Variants in FSTL5 observed in about 807,000 individuals in gnomAD.
FSTL5 encodes the protein follistatin like 5.
Under a neutral mutation model 89.1 loss-of-function variants are expected in FSTL5, and 62 were observed. The ratio of observed to expected loss-of-function variants is 0.70; its 90% CI spans 0.57 to 0.86. The LOEUF (loss-of-function observed/expected upper bound fraction) is 0.86, where lower values mean the gene tolerates loss of function less well. Ranked by LOEUF, FSTL5 falls within the 40% of genes least tolerant of loss-of-function variation. The probability of loss-of-function intolerance (pLI) is 0.00; values close to 1 mark genes in which losing one functional copy is unlikely to be tolerated. For missense variants in FSTL5, 1,057 were observed against 1,001.6 expected (o/e 1.06, Z -0.75); for synonymous variants, 383 against 346.2 (o/e 1.11, Z -1.18).
chr4:161,892,498 C>T (rs1733019621), intron 4 of FSTL5, among the ~76,000 whole-genome samples: 1 of 151,692 alleles, frequency 6.6e-6, no homozygotes, highest in South Asian at 2.1e-4. Flanking sequence ...TTGCAAAAGA[C>T]ATTTTGATCC....
intron 8 of FSTL5, among the ~76,000 whole-genome samples, chr4:161,547,727 A>G (rs1732053831): frequency 6.6e-6 from 1 of 151,928 alleles, no homozygotes; most frequent in African/African-American, 2.4e-5. Context: ...TACCTTTGGA[A>G]AACAAAACAA....
rs182562592 is a variant in FSTL5, at chr4:162,052,884, C to A, written c.127-19226G>T. On this transcript the variant is annotated intron_variant, in intron 2 of 15. Transcript: ENST00000306100. ...AATAGATCTCTTGAATTTATTCACC[C>A]TAATTGTTGTTAAAAAGCACACACA... is the stretch of plus-strand genomic sequence containing the variant. Among the ~76,000 whole-genome samples, 222 of 151,656 alleles carry A rather than the reference C, an allele frequency of 1.5e-3. 1 individual carries two copies. Among genetic ancestry groups the A allele is most frequent in the African/African-American group, 5.0e-3 (206 of 41,478 alleles).
intron 3 of FSTL5, among the ~76,000 whole-genome samples, chr4:161,939,090 T>A (rs2110918119): frequency 6.6e-6 from 1 of 152,068 alleles, no homozygotes; most frequent in Admixed American, 6.6e-5. Flanking sequence ...CTGATATCAT[T>A]AGTTACATTA....
intron 2 of FSTL5, among the ~76,000 whole-genome samples, chr4:162,099,613 C>T (rs1218882135): frequency 6.6e-6 from 1 of 151,998 alleles, no homozygotes; most frequent in Non-Finnish European, 1.5e-5. Context: ...TAGAAATAAA[C>T]ACTGTCAAAA....
chr4:161,695,457 A>G (rs202015167), intron 6 of FSTL5, among the ~76,000 whole-genome samples: 8,918 of 50,026 alleles, frequency 0.18, 299 homozygotes, highest in Non-Finnish European at 0.25. Context: ...GTGTGTGTAT[A>G]TATATCACAT....
intron 3 of FSTL5, among the ~76,000 whole-genome samples, chr4:162,007,403 T>C (rs1324932606): frequency 2.0e-5 from 3 of 151,702 alleles, no homozygotes; most frequent in African/African-American, 7.2e-5. Flanking sequence ...AACAGCAAAA[T>C]ATTTTAAAAT....
chr4:161,686,338 ATATATATATTTTTTTTTTTT>A (rs1737739675), intron 6 of FSTL5, among the ~76,000 whole-genome samples: 1 of 7,922 alleles, frequency 1.3e-4, no homozygotes, highest in South Asian at 9.8e-3. Flanking sequence ...ATATATATAT[ATATATATATTTTTTTTTTTT>A]TTTTTTTTTT....
At chr4:161,545,325 T>C (rs1731966300) in intron 8 of FSTL5, among the ~76,000 whole-genome samples, 1 of 152,010 alleles carries the variant, frequency 6.6e-6, no homozygotes, top group South Asian at 2.1e-4. Context: ...TCTGTCTCTC[T>C]CTCCCATGTA....
chr4:161,484,913 A>C (rs1729627341), intron 12 of FSTL5, among the ~76,000 whole-genome samples: 1 of 152,190 alleles, frequency 6.6e-6, no homozygotes, highest in Non-Finnish European at 1.5e-5. Context: ...ATGGTCCCCC[A>C]GGCCAAATTT....
At chr4:161,647,371 T>A (rs1276946833) in intron 7 of FSTL5, among the ~76,000 whole-genome samples, 3 of 152,196 alleles carry the variant, frequency 2.0e-5, no homozygotes, top group Non-Finnish European at 2.9e-5. Context: ...GCTGGTGCCA[T>A]GCTGTTTTAA....
At chr4:162,125,744 A>T (rs1050624425) in intron 1 of FSTL5, among the ~76,000 whole-genome samples, 3 of 152,020 alleles carry the variant, frequency 2.0e-5, no homozygotes, top group African/African-American at 4.8e-5. Context: ...TTAGGTGTTT[A>T]TTATTTAAGC....
intron 2 of FSTL5, among the ~76,000 whole-genome samples, chr4:162,066,364 TCTTCTTCTC>T (rs1247532252): frequency 5.9e-4 from 81 of 136,182 alleles, no homozygotes; most frequent in East Asian, 5.8e-3. Context: ...TCCTTCTTCT[TCTTCTTCTC>T]CTTCTTCTTC....
chr4:161,756,122 G>T (rs920133082), intron 6 of FSTL5, among the ~76,000 whole-genome samples: 12 of 152,014 alleles, frequency 7.9e-5, no homozygotes, highest in Non-Finnish European at 1.2e-4. Context: ...CAAGAAGTTT[G>T]CTTGGTGACA....
intron 2 of FSTL5, among the ~76,000 whole-genome samples, chr4:162,099,354 T>G (rs1175173350): frequency 6.6e-6 from 1 of 152,122 alleles, no homozygotes. Context: ...CAGCATTAAT[T>G]TAAATGAATT....
chr4:162,051,909 T>C (rs1158763552), intron 2 of FSTL5, among the ~76,000 whole-genome samples: 3 of 150,102 alleles, frequency 2.0e-5, no homozygotes, highest in African/African-American at 7.3e-5. Context: ...GTGTAAGAGG[T>C]TGCAAGATAG....
At chr4:161,636,732 A>G (rs1380157762) in intron 7 of FSTL5, among the ~76,000 whole-genome samples, 4 of 148,074 alleles carry the variant, frequency 2.7e-5, no homozygotes, top group Non-Finnish European at 5.9e-5. Flanking sequence ...TTGTTCCTGC[A>G]ATAGTTTACT....
At chr4:162,117,887 ATAG>A (rs143595889) in intron 1 of FSTL5, among the ~76,000 whole-genome samples, 2,038 of 152,322 alleles carry the variant, frequency 0.013, 49 homozygotes, top group African/African-American at 0.046. Context: ...TTAATTTGAA[ATAG>A]TAGGTACACA....
intron 10 of FSTL5, among the ~76,000 whole-genome samples, chr4:161,533,169 A>G (rs77165124): frequency 6.2e-5 from 5 of 80,986 alleles, no homozygotes; most frequent in Admixed American, 2.5e-4. Flanking sequence ...TAGAACTAGG[A>G]AAAAAAAAAA....
At chr4:161,837,291 G>T (rs1579129816) in intron 4 of FSTL5, among the ~76,000 whole-genome samples, 1 of 152,056 alleles carries the variant, frequency 6.6e-6, no homozygotes, top group East Asian at 1.9e-4. Context: ...TGACTAACAA[G>T]AAATAGGAGT....
Sources: allele counts gnomAD v4.1 joint callset (sites outside exome capture counted in the v4.1 genomes callset), GRCh38; gene constraint gnomAD v4.1.1; transcripts MANE v1.5; gene names NCBI Gene and HGNC (gene_info 2026-07-23, HGNC 2026-07-21).